FERMT3: variants seen among roughly 807,000 people sequenced by gnomAD.
The protein encoded by FERMT3 is fermitin family homolog 3.
A neutral mutation model predicts 80.8 loss-of-function variants in FERMT3; 33 were observed. That is an observed-to-expected ratio of 0.41 (90% CI 0.31 to 0.55). The LOEUF (loss-of-function observed/expected upper bound fraction) is 0.55, where lower values mean the gene tolerates loss of function less well. FERMT3 is among the 20% of genes least tolerant of loss of function. FERMT3 has a pLI of 0.31. For synonymous variants in FERMT3, 375 were observed against 372.2 expected, an observed-to-expected ratio of 1.01 and a Z score of -0.09; for missense variants, 754 against 908.7, an observed-to-expected ratio of 0.83 and a Z score of 2.19.
intron 2 of FERMT3, chr11:64,207,955 G>C (rs1946351274): frequency 6.0e-6 from 1 of 166,946 alleles, no homozygotes; most frequent in African/African-American, 2.4e-5. Flanking sequence ...CCCACAGGAA[G>C]TTACAGCAGA....
At chr11:64,206,476 C>A (rs1275342142), upstream of FERMT3, among the ~76,000 whole-genome samples, 3 of 152,260 alleles carry the variant, frequency 2.0e-5, no homozygotes, top group African/African-American at 7.2e-5. Flanking sequence ...TGAACACACA[C>A]AGCCGGGGGA....
chr11:64,206,511 C>T (rs1244353022), upstream of FERMT3, among the ~76,000 whole-genome samples: 1 of 152,222 alleles, frequency 6.6e-6, no homozygotes, highest in African/African-American at 2.4e-5. Context: ...ACTGAGCTTC[C>T]CTCCAAATGA....
chr11:64,220,378 C>G, intron 11 of FERMT3, 52 bp downstream of exon 11: 2 of 1,608,334 alleles, frequency 1.2e-6, no homozygotes, highest in Non-Finnish European at 1.7e-6. Flanking sequence ...GGGGCAGGGG[C>G]AGGGGCTGAG....
chr11:64,220,734 C>G (rs1946663415), intron 12 of FERMT3, 65 bp downstream of exon 12: 1 of 1,429,984 alleles, frequency 7.0e-7, no homozygotes, highest in Admixed American at 1.9e-5. Flanking sequence ...ACCCCTGGGT[C>G]TCCACAGAGC....
Position 64,221,110 on chromosome 11 carries a change from C to G in FERMT3, c.1640C>G (p.Pro547Arg), listed in dbSNP as rs144788597. Residue 547 changes from proline to arginine, a missense_variant, in exon 13 of 15, where the codon CCC (proline) becomes CGC (arginine). Coordinates refer to ENST00000345728, the MANE Select transcript of FERMT3 (RefSeq NM_031471.6). ...TTCATCCAGGCCTGGCAGTCCCTGC[C>G]CGACTTCGGCATCTCCTATGTCATG... ...LRFIQAWQSL[P>R]DFGISYVMVR... 6.2e-7 allele frequency: 1 copy of G among 1,610,840 alleles called. No individual in the cohort carries two copies. Among genetic ancestry groups the G allele is most frequent in the African/African-American group, 1.3e-5 (1 of 74,930 alleles).
chr11:64,220,090 C>T (rs2134883614), intron 10 of FERMT3, 75 bp downstream of exon 10: 2 of 1,592,822 alleles, frequency 1.3e-6, no homozygotes, highest in Admixed American at 1.7e-5. Context: ...TCTCACCGGC[C>T]CTGTTTCCTC....
chr11:64,220,180 C>G, intron 10 of FERMT3, 40 bp from the exon 11 acceptor site: 1 of 1,600,312 alleles, frequency 6.2e-7, no homozygotes, highest in Non-Finnish European at 8.6e-7. Flanking sequence ...GGCGGCTCTT[C>G]CCCTCCCGAC....
rs766923508 is a variant in FERMT3, at chr11:64,215,832, AT to A, written c.787-3403del. On this transcript the variant is annotated intron_variant, in intron 6 of 14. Transcript: ENST00000345728. ...CGCTTCGGCTTCCTGAGAAGTTGGG[AT>A]TTTTTTTTTTTTTTTAGACGGAGTC... Among the ~76,000 whole-genome samples the A allele has an allele frequency of 4.5e-3, 619 of 137,722 alleles. 1 individual carries two copies. The highest frequency in any genetic ancestry group is 5.9e-3 in the East Asian group (28 of 4,734). 90.4% of individuals were successfully genotyped at this position (137,722 alleles called of 152,430 possible).
chr11:64,220,717 AC>A, intron 12 of FERMT3, 48 bp downstream of exon 12: 1 of 1,514,066 alleles, frequency 6.6e-7, no homozygotes, highest in Non-Finnish European at 9.1e-7. Flanking sequence ...TTACCCAGAG[AC>A]CTCTGACCCC....
At chr11:64,213,411 G>A (rs187864218) in intron 6 of FERMT3, among the ~76,000 whole-genome samples, 2 of 143,912 alleles carry the variant, frequency 1.4e-5, no homozygotes, top group African/African-American at 2.6e-5. Flanking sequence ...AAATTGCTGG[G>A]GTAATAGGAG....
rs570151177 is a variant in FERMT3 at position 64,209,336 on chromosome 11, A to G, written c.161-1275A>G. Among the ~76,000 whole-genome samples, 221 of 152,308 alleles carry G rather than the reference A, an allele frequency of 1.5e-3. 1 individual carries two copies. Among genetic ancestry groups the G allele is most frequent in the Non-Finnish European group, 2.4e-3 (161 of 67,998 alleles). On this transcript the variant is annotated intron_variant, in intron 2 of 14. Coordinates refer to ENST00000345728, the MANE Select transcript of FERMT3 (RefSeq NM_031471.6). ...GGACAGGCCCCTCAGCTGGCAGCAC[A>G]TGGGTTTCTGGCTGGGGGCCCAGGG...
At chr11:64,215,794 C>G (rs1946537035) in intron 6 of FERMT3, among the ~76,000 whole-genome samples, 1 of 151,670 alleles carries the variant, frequency 6.6e-6, no homozygotes, top group East Asian at 1.9e-4. Context: ...GATTGGGTCT[C>G]AAGTTATCCT....
At chr11:64,222,897 G>A (rs1450923443) in intron 13 of FERMT3, 151 bp from the exon 14 acceptor site, 6 of 926,608 alleles carry the variant, frequency 6.5e-6, no homozygotes, top group East Asian at 4.9e-5. Flanking sequence ...GGAACTTGAG[G>A]CCCAGGGAAC....
chr11:64,211,788 G>T lies in FERMT3; in HGVS notation c.786+41G>T, dbSNP rs1306653969. The T allele has an allele frequency of 6.3e-7, 1 of 1,588,278 alleles. No homozygotes were observed. The highest frequency in any genetic ancestry group is 1.3e-5 in the African/African-American group (1 of 74,432). The stretch of plus-strand genomic sequence containing the variant: ...GAGAAAGCGGGCCTCAGGTCCATGA[G>T]ATGTGGAGACCTAGGGCCTGGGGTA... On this transcript the variant is annotated intron_variant, in intron 6 of 14. Transcript: ENST00000345728. This position sits in a 1 kb window ranked among gnomAD's most constrained non-coding sequence, Gnocchi z 4.7.
rs763103396 is a variant in FERMT3, at chr11:64,211,030, C to G, written c.395-22C>G. 2.5e-6 allele frequency: 4 copies of G among 1,606,738 alleles called. No homozygotes were observed. In the South Asian group the frequency reaches 4.5e-5, roughly 18 times the overall value. On this transcript the variant is annotated intron_variant, in intron 3 of 14. Transcript: ENST00000345728. The surrounding 1 kb of genome is among the most constrained non-coding windows in gnomAD (Gnocchi z 4.7). ...AGGCTGCAGCAGGACCTAGTCCCCG[C>G]TGAGACCCTAGCTCCCCTCAGGCAT...
At chr11:64,220,926 A>G (rs1025236663) in intron 12 of FERMT3, 90 bp from the exon 13 acceptor site, 5 of 1,570,602 alleles carry the variant, frequency 3.2e-6, no homozygotes, top group Non-Finnish European at 4.3e-6. Context: ...CCAGGCTCAC[A>G]TGCTGTCACC....
upstream of FERMT3, among the ~76,000 whole-genome samples, chr11:64,205,947 C>T (rs922123819): frequency 3.3e-5 from 5 of 152,228 alleles, no homozygotes; most frequent in Non-Finnish European, 5.9e-5. Context: ...GAGCTGGTGG[C>T]GGACGTGCCT....
rs775734796 is a variant in FERMT3 at position 64,219,325 on chromosome 11, C to T, written c.861C>T (p.Thr287=). The part of the protein sequence containing the change: ...WDLLLEEIDC[T]EEEMMVFAAL... ...TGCTGCTGGAGGAGATTGACTGCAC[C>T]GAGGAGGAGATGATGGTGTTTGCCG... Residue 287 remains threonine (T), a synonymous_variant, in exon 7 of 15, where the codon ACC becomes ACT. Coordinates refer to ENST00000345728, the MANE Select transcript of FERMT3 (RefSeq NM_031471.6). This position sits in a 1 kb window ranked among gnomAD's most constrained non-coding sequence, Gnocchi z 4.0. 8.7e-6 allele frequency: 14 copies of T among 1,607,702 alleles called. No homozygotes were observed. The highest frequency in any genetic ancestry group is 2.2e-5 in the East Asian group (1 of 44,472).
Position 64,219,872 on chromosome 11 carries a change from AC to A in FERMT3, c.1080-15del. ...GAGGGGGTGAGGCGGCCTTTCACAA[AC>A]CCCAGCATCCCACGAAGGCCCCGGA... On this transcript the variant is annotated intron_variant, in intron 9 of 14. Coordinates refer to ENST00000345728, the MANE Select transcript of FERMT3 (RefSeq NM_031471.6). This position sits in a 1 kb window ranked among gnomAD's most constrained non-coding sequence, Gnocchi z 4.0. 1 of 1,613,540 alleles carries A rather than the reference AC, an allele frequency of 6.2e-7. No individual in the cohort carries two copies. Among genetic ancestry groups the A allele is most frequent in the South Asian group, 1.1e-5 (1 of 91,048 alleles).
Sources: gnomAD v4.1 joint callset for allele counts (sites outside exome capture counted in the v4.1 genomes callset) on GRCh38, gnomAD v4.1.1 for gene constraint, Gnocchi (gnomAD v3.1) non-coding constraint, MANE v1.5 for transcripts, NCBI Gene and HGNC (gene_info 2026-07-23, HGNC 2026-07-21) for gene names.